The following RERE variants were observed in gnomAD, a reference collection of about 807,000 sequenced individuals.
RERE encodes arginine-glutamic acid dipeptide repeats, also known as arginine-glutamic acid dipeptide repeats protein.
A neutral mutation model predicts 146.1 loss-of-function variants in RERE; 40 were observed. The observed-to-expected ratio is 0.27, with a 90% CI of 0.21 to 0.36. RERE has a LOEUF of 0.36. RERE is among the 10% of genes least tolerant of loss of function. RERE has a pLI of 1.00. For missense variants in RERE, 1,933 were observed against 2,138.7 expected, an observed-to-expected ratio of 0.90 and a Z score of 1.90; for synonymous variants, 1,003 against 866.0, an observed-to-expected ratio of 1.16 and a Z score of -2.78.
chr1:8,669,024 CTGTGTG>C (rs59647434), intron 1 of RERE, among the ~76,000 whole-genome samples: 2,339 of 43,720 alleles, frequency 0.053, 93 homozygotes, highest in East Asian at 0.19. Flanking sequence ...GCACTCAACT[CTGTGTG>C]TGTGTGTGTG....
At chr1:8,442,646 T>C (rs1216997385) in intron 11 of RERE, among the ~76,000 whole-genome samples, 3 of 152,094 alleles carry the variant, frequency 2.0e-5, no homozygotes, top group Non-Finnish European at 2.9e-5. Flanking sequence ...ATTCGGAAAA[T>C]TGGTGCCAGG....
In RERE at chr1:8,360,142, T is replaced by C; in HGVS notation, c.3365A>G (p.Asp1122Gly). 8.8e-6 allele frequency: 14 copies of C among 1,592,102 alleles called. No homozygotes were observed. Among genetic ancestry groups the C allele is most frequent in the Non-Finnish European group, 1.2e-5 (14 of 1,168,728 alleles). Reference sequence around the variant, plus strand: ...TGACTGGCTGGCGTGACTGGGGGTGTCCACCACAGTGGGCTCCGGGGACGG... The same window carrying C: ...TGACTGGCTGGCGTGACTGGGGGTGCCCACCACAGTGGGCTCCGGGGACGG... ...RSPSPEPTVVDTPSHASQSAR... is the reference protein window; with the variant it reads ...RSPSPEPTVVGTPSHASQSAR... Residue 1122 changes from aspartate to glycine, a missense_variant, in exon 18 of 23, where the codon GAC becomes GGC. Around this residue, in one of 11 missense-constraint regions of RERE, gnomAD observed 1,255 missense variants for 1,153.8 expected, o/e 1.09. Coordinates refer to ENST00000400908, the MANE Select transcript of RERE (RefSeq NM_001042681.2).
intron 1 of RERE, among the ~76,000 whole-genome samples, chr1:8,763,949 A>AT (rs1376583507): frequency 6.6e-6 from 1 of 152,162 alleles, no homozygotes; most frequent in Admixed American, 6.5e-5. Flanking sequence ...AAAAAAAAAA[A>AT]AAAAAAGTCC....
At chr1:8,607,887 G>A (rs188880806) in intron 4 of RERE, among the ~76,000 whole-genome samples, 1 of 152,026 alleles carries the variant, frequency 6.6e-6, no homozygotes, top group East Asian at 1.9e-4. Context: ...CACCACGCCT[G>A]GCTAATTTTT....
intron 1 of RERE, among the ~76,000 whole-genome samples, chr1:8,791,586 T>A (rs1245850566): frequency 6.6e-6 from 1 of 152,240 alleles, no homozygotes; most frequent in African/African-American, 2.4e-5. Context: ...CTAGAAAATA[T>A]GGCCTGAAAT....
At chr1:8,741,500 C>A (rs1054969729) in intron 1 of RERE, among the ~76,000 whole-genome samples, 1 of 152,168 alleles carries the variant, frequency 6.6e-6, no homozygotes, top group African/African-American at 2.4e-5. Context: ...AATCGTGGAG[C>A]CGGTTTCTCC....
chr1:8,542,663 C>T (rs1349686197), intron 6 of RERE, among the ~76,000 whole-genome samples: 2 of 152,098 alleles, frequency 1.3e-5, no homozygotes, highest in South Asian at 2.1e-4. Flanking sequence ...CATCTCACCA[C>T]ACCTGGTTAA....
At chr1:8,717,236 G>A (rs558166033) in intron 1 of RERE, among the ~76,000 whole-genome samples, 2 of 152,288 alleles carry the variant, frequency 1.3e-5, no homozygotes, top group South Asian at 2.1e-4. Context: ...TTGAAAAAGA[G>A]AGTAAGAATA....
At chr1:8,369,508 T>TTAAAAAAAAAA (rs1285019668) in intron 12 of RERE, among the ~76,000 whole-genome samples, 11 of 76,890 alleles carry the variant, frequency 1.4e-4, no homozygotes, top group Admixed American at 1.7e-4. Context: ...CGCCTTTTAC[T>TTAAAAAAAAAA]AAAAAAAAAA....
chr1:8,482,756 C>T (rs1644853532), intron 10 of RERE, among the ~76,000 whole-genome samples: 1 of 142,840 alleles, frequency 7.0e-6, no homozygotes. Context: ...TTACATGGAA[C>T]TTTAGAAGGG....
chr1:8,538,558 C>T (rs953449046), intron 7 of RERE, among the ~76,000 whole-genome samples: 2 of 152,182 alleles, frequency 1.3e-5, no homozygotes, highest in African/African-American at 4.8e-5. Flanking sequence ...CGGGATAACA[C>T]CAGCAAGCCA....
At chr1:8,553,403 C>T (rs969519378) in intron 6 of RERE, among the ~76,000 whole-genome samples, 26 of 149,310 alleles carry the variant, frequency 1.7e-4, no homozygotes, top group African/African-American at 5.4e-4. Context: ...TCCACATGCA[C>T]GAGACACTGC....
chr1:8,732,947 G>A (rs868857231), intron 1 of RERE, among the ~76,000 whole-genome samples: 1 of 148,734 alleles, frequency 6.7e-6, no homozygotes, highest in African/African-American at 2.5e-5. Context: ...TCAGCCTCCC[G>A]AGTAGCTGGG....
chr1:8,582,425 T>C (rs1390533644), intron 4 of RERE, among the ~76,000 whole-genome samples: 2 of 151,684 alleles, frequency 1.3e-5, no homozygotes, highest in African/African-American at 4.8e-5. Context: ...CTTTTTTTTT[T>C]TTTGGGGGGT....
At chr1:8,416,790 G>A (rs1166401719) in intron 12 of RERE, among the ~76,000 whole-genome samples, 1 of 152,100 alleles carries the variant, frequency 6.6e-6, no homozygotes, top group Admixed American at 6.5e-5. Context: ...TCAGAATTCT[G>A]CAAGTCTGCA....
At chr1:8,740,551 CTT>C (rs1419368274) in intron 1 of RERE, among the ~76,000 whole-genome samples, 1 of 152,148 alleles carries the variant, frequency 6.6e-6, no homozygotes, top group South Asian at 2.1e-4. Context: ...ATTTTTAAAA[CTT>C]TTTGACTCTT....
chr1:8,532,829 G>A (rs1366687625), intron 7 of RERE, among the ~76,000 whole-genome samples: 6 of 151,900 alleles, frequency 3.9e-5, no homozygotes, highest in African/African-American at 1.5e-4. Flanking sequence ...TCCTGACCTC[G>A]GGTGATCCAC....
intron 1 of RERE, among the ~76,000 whole-genome samples, chr1:8,669,639 T>A (rs936801283): frequency 2.0e-5 from 3 of 152,162 alleles, no homozygotes; most frequent in African/African-American, 7.2e-5. Context: ...ATTAAACTAG[T>A]AGAGTTTTAT....
At chr1:8,532,825 C>A (rs1434204625) in intron 7 of RERE, among the ~76,000 whole-genome samples, 1 of 152,104 alleles carries the variant, frequency 6.6e-6, no homozygotes, top group African/African-American at 2.4e-5. Context: ...GAACTCCTGA[C>A]CTCGGGTGAT....
Sources: allele counts gnomAD v4.1 joint callset (sites outside exome capture counted in the v4.1 genomes callset), GRCh38; gene constraint gnomAD v4.1.1; regional missense constraint gnomAD v4.1.1; transcripts MANE v1.5; gene names NCBI Gene and HGNC (gene_info 2026-07-23, HGNC 2026-07-21).